Variants in DNAH11 observed in about 807,000 individuals in gnomAD.
The protein encoded by DNAH11 is axonemal beta dynein heavy chain 11.
In DNAH11, 442 loss-of-function variants were observed where a neutral mutation model predicts 526.0. That is an observed-to-expected ratio of 0.84 (90% confidence interval 0.78 to 0.91). DNAH11 has a LOEUF of 0.91. Ranked by LOEUF, DNAH11 falls within the 40% of genes least tolerant of loss-of-function variation. DNAH11 has a pLI of 0.00. For missense variants in DNAH11, 6,989 were observed against 5,448.7 expected, an observed-to-expected ratio of 1.28 and a Z score of -8.90; for synonymous variants, 2,461 against 1,935.9, an observed-to-expected ratio of 1.27 and a Z score of -7.12.
At chr7:21,895,813 T>C (rs2128049536) in intron 79 of DNAH11, among the ~76,000 whole-genome samples, 1 of 152,302 alleles carries the variant, frequency 6.6e-6, no homozygotes, top group South Asian at 2.1e-4. Context: ...CACTGCAAGC[T>C]CTGCCTGCCG....
chr7:21,759,981 T>G (rs1340874208), intron 54 of DNAH11, among the ~76,000 whole-genome samples: 1 of 152,190 alleles, frequency 6.6e-6, no homozygotes, highest in African/African-American at 2.4e-5. Flanking sequence ...CTGGGTTTGC[T>G]TTTTACTTGT....
intron 65 of DNAH11, among the ~76,000 whole-genome samples, chr7:21,822,454 C>T (rs558050257): frequency 8.5e-5 from 13 of 152,180 alleles, no homozygotes; most frequent in Non-Finnish European, 1.3e-4. Context: ...ACCAGGCCCA[C>T]CTCCAACATT....
intron 66 of DNAH11, among the ~76,000 whole-genome samples, chr7:21,851,862 C>T (rs1260973023): frequency 1.3e-5 from 2 of 151,952 alleles, no homozygotes; most frequent in African/African-American, 2.4e-5. Context: ...GACTTCTAAG[C>T]CTTTATATGT....
chr7:21,606,129 G>T (rs1368402035), intron 18 of DNAH11, among the ~76,000 whole-genome samples: 1 of 152,106 alleles, frequency 6.6e-6, no homozygotes, highest in Admixed American at 6.6e-5. Context: ...TTCAAGACCA[G>T]CCTGAACAAC....
In DNAH11 at chr7:21,814,360, A is replaced by T. The variant is rs6965062; in HGVS notation, c.10333-2107A>T. 1.0e-3 allele frequency among the ~76,000 whole-genome samples: 150 copies of T among 148,758 alleles called. 1 individual carries two copies. The highest frequency in any genetic ancestry group is 1.6e-3 in the Non-Finnish European group (107 of 66,740). On this transcript the variant is annotated intron_variant, in intron 63 of 81. Transcript: ENST00000409508. ...TTATTTATTTATTTATTTTTTTTTT[A>T]TTTTTTTATTTTTATTTTTTATACT...
chr7:21,758,656 T>C (rs185665505), intron 54 of DNAH11, among the ~76,000 whole-genome samples: 2 of 152,264 alleles, frequency 1.3e-5, no homozygotes, highest in East Asian at 1.9e-4. Context: ...AAAGTAATGA[T>C]CAAGAAGAGA....
chr7:21,730,376 G>A (rs1785326701), intron 45 of DNAH11, among the ~76,000 whole-genome samples: 1 of 152,190 alleles, frequency 6.6e-6, no homozygotes, highest in Non-Finnish European at 1.5e-5. Context: ...ATGTTCACTG[G>A]AATAGTTTGC....
chr7:21,810,303 C>G (rs1789459204), intron 63 of DNAH11, among the ~76,000 whole-genome samples: 1 of 152,126 alleles, frequency 6.6e-6, no homozygotes, highest in African/African-American at 2.4e-5. Context: ...ATCAGACCTC[C>G]TGATTTCCAG....
chr7:21,692,408 G>A (rs1783671631), intron 35 of DNAH11, among the ~76,000 whole-genome samples: 1 of 152,156 alleles, frequency 6.6e-6, no homozygotes, highest in Non-Finnish European at 1.5e-5. Flanking sequence ...TAGAGTTCAT[G>A]TAAATGAAAC....
chr7:21,854,855 T>A (rs1782775314), intron 68 of DNAH11, among the ~76,000 whole-genome samples: 1 of 152,098 alleles, frequency 6.6e-6, no homozygotes. Flanking sequence ...AATGTATTTT[T>A]AAGCCATCGG....
intron 55 of DNAH11, among the ~76,000 whole-genome samples, chr7:21,768,637 A>G (rs551102062): frequency 1.3e-5 from 2 of 152,300 alleles, no homozygotes; most frequent in East Asian, 3.9e-4. Flanking sequence ...TTTCAGGGAA[A>G]AGCAGTTATT....
chr7:21,866,460 C>T lies in DNAH11; in HGVS notation c.11497-10C>T. 6.2e-7 allele frequency: 1 copy of T among 1,604,204 alleles called. No individual in the cohort carries two copies. On this transcript the variant is annotated splice_polypyrimidine_tract_variant and intron_variant, in intron 70 of 81. Coordinates refer to ENST00000409508, the MANE Select transcript of DNAH11 (RefSeq NM_001277115.2). Reference sequence around the variant, plus strand: ...ACACCATTCCTACTTGTTTCCCTATCATATTACAGGCAATTGCCGTCATGG... The same window carrying T: ...ACACCATTCCTACTTGTTTCCCTATTATATTACAGGCAATTGCCGTCATGG...
chr7:21,635,816 C>T lies in DNAH11; in HGVS notation c.4501-55C>T. On this transcript the variant is annotated intron_variant, in intron 25 of 81. Transcript: ENST00000409508. Reference sequence around the variant, plus strand: ...AGTAGATATAGTGCCTCCCTCATAGCACTCACATTCTACTAAATTTAGCTA... The same window carrying T: ...AGTAGATATAGTGCCTCCCTCATAGTACTCACATTCTACTAAATTTAGCTA... 2.8e-6 allele frequency: 4 copies of T among 1,410,892 alleles called. No individual in the cohort carries two copies. In the South Asian group the frequency reaches 4.0e-5, roughly 14 times the overall value. The allele number at this position is 1,410,892 out of a possible 1,614,324, so 87.4% of individuals were successfully genotyped here. A position where few individuals can be genotyped will look rare whatever the true frequency, so the allele number is the denominator to read the frequency against.
chr7:21,566,651 C>G (rs1027748288), intron 6 of DNAH11, among the ~76,000 whole-genome samples: 1 of 151,324 alleles, frequency 6.6e-6, no homozygotes, highest in Admixed American at 6.6e-5. Context: ...AACTCTCCAA[C>G]CCAGCAAGTC....
rs1442863203 is a variant in DNAH11 at position 21,894,902 on chromosome 7, C to A, written c.12952C>A (p.Pro4318Thr). The change falls in exon 79 of 82, where the codon CCT becomes ACT. Residue 4318 changes from proline (P) to threonine (T), a missense_variant. Pro to Thr is a conservative substitution (Grantham distance 38, BLOSUM62 -1). Transcript: ENST00000409508. ...ATGCAAGGGGGAATTGGCATTATCTCCTGCTGTGGAAGCCCAGCAGTTTGC... is the reference window on the plus strand; with the variant it reads ...ATGCAAGGGGGAATTGGCATTATCTACTGCTGTGGAAGCCCAGCAGTTTGC... The part of the protein sequence containing the change: ...LSLKGELALS[P>T]AVEAQQFALS... The A allele has an allele frequency of 6.2e-7, 1 of 1,613,950 alleles. No individual in the cohort carries two copies. Among genetic ancestry groups the A allele is most frequent in the South Asian group, 1.1e-5 (1 of 91,072 alleles).
chr7:21,733,853 A>G (rs1451419446), intron 45 of DNAH11, among the ~76,000 whole-genome samples: 1 of 152,176 alleles, frequency 6.6e-6, no homozygotes, highest in Non-Finnish European at 1.5e-5. Flanking sequence ...ATATATATAT[A>G]CGGAGAAACA....
In DNAH11 at chr7:21,637,700, C is replaced by T. The variant is rs752967417; in HGVS notation, c.4815C>T (p.Ser1605=). 49 of 1,542,390 alleles carry T rather than the reference C, an allele frequency of 3.2e-5. No homozygotes were observed. Among genetic ancestry groups the T allele is most frequent in the East Asian group, 1.4e-4 (6 of 42,318 alleles). ...ATGAAAAACTTAAAGATTTACAGTCCAGGTAAGAATAAAGCTATATAAGAT... is the reference window on the plus strand; with the variant it reads ...ATGAAAAACTTAAAGATTTACAGTCTAGGTAAGAATAAAGCTATATAAGAT... ...NLYEKLKDLQ[S]RLSLCEKALA... is the part of the protein sequence containing the mutation. Residue 1605 remains serine (S), a splice_region_variant and synonymous_variant, in exon 27 of 82, where the codon TCC becomes TCT. Coordinates refer to ENST00000409508, the MANE Select transcript of DNAH11 (RefSeq NM_001277115.2).
chr7:21,603,926 G>A (rs553584099), intron 18 of DNAH11, among the ~76,000 whole-genome samples: 1 of 152,206 alleles, frequency 6.6e-6, no homozygotes, highest in East Asian at 1.9e-4. Context: ...GAAAGCATTA[G>A]GCTTTTCAAC....
At chr7:21,867,324 A>T (rs945666220) in intron 71 of DNAH11, among the ~76,000 whole-genome samples, 2 of 152,220 alleles carry the variant, frequency 1.3e-5, no homozygotes, top group African/African-American at 4.8e-5. Flanking sequence ...TAGTTCAGCC[A>T]ATTTTCCCTT....
Sources: gnomAD v4.1 joint callset for allele counts (sites outside exome capture counted in the v4.1 genomes callset) on GRCh38, gnomAD v4.1.1 for gene constraint, MANE v1.5 for transcripts, NCBI Gene and HGNC (gene_info 2026-07-23, HGNC 2026-07-21) for gene names.